The following CENPP variants were observed in gnomAD, a reference collection of about 807,000 sequenced individuals.
The protein encoded by CENPP is centromere protein P.
In CENPP, 24 loss-of-function variants were observed where a neutral mutation model predicts 35.6. The ratio of observed to expected loss-of-function variants is 0.67; its 90% CI spans 0.49 to 0.95. The LOEUF is 0.95. Ranked by LOEUF, CENPP falls within the 40% of genes least tolerant of loss-of-function variation. The pLI, the probability that CENPP is intolerant of heterozygous loss-of-function variation, is 0.00. For synonymous variants in CENPP, 120 were observed against 125.5 expected, an observed-to-expected ratio of 0.96 and a Z score of 0.29; for missense variants, 332 against 345.3, an observed-to-expected ratio of 0.96 and a Z score of 0.31.
At chr9:92,545,052 G>T (rs539794996) in intron 5 of CENPP, among the ~76,000 whole-genome samples, 8 of 152,316 alleles carry the variant, frequency 5.3e-5, no homozygotes, top group African/African-American at 1.9e-4. Context: ...TTAAAAGACA[G>T]TAAGAAAATC....
At chr9:92,506,059 GGAA>G (rs1846988976) in intron 5 of CENPP, among the ~76,000 whole-genome samples, 1 of 152,152 alleles carries the variant, frequency 6.6e-6, no homozygotes, top group African/African-American at 2.4e-5. Flanking sequence ...AATTCAGGTA[GGAA>G]AGGAATAGAA....
At chr9:92,456,821 C>T (rs1415040218) in intron 5 of CENPP, 1 of 336,596 alleles carries the variant, frequency 3.0e-6, no homozygotes, top group African/African-American at 2.2e-5. Context: ...TATTACAGTA[C>T]TACCCAAGTT....
At chr9:92,475,176 A>G (rs1257506633) in intron 5 of CENPP, among the ~76,000 whole-genome samples, 2 of 152,220 alleles carry the variant, frequency 1.3e-5, no homozygotes, top group Non-Finnish European at 2.9e-5. Flanking sequence ...GTGCACAAAG[A>G]TGTTCATCAC....
chr9:92,441,603 A>G (rs1332689447), intron 5 of CENPP, among the ~76,000 whole-genome samples: 1 of 152,068 alleles, frequency 6.6e-6, no homozygotes, highest in African/African-American at 2.4e-5. Context: ...TACAAAAAAC[A>G]CAAAAGTCAG....
At chr9:92,602,736 C>T (rs912400009) in intron 5 of CENPP, among the ~76,000 whole-genome samples, 4 of 152,128 alleles carry the variant, frequency 2.6e-5, no homozygotes, top group East Asian at 3.8e-4. Flanking sequence ...CTCAGCATGG[C>T]GCAACACAGA....
rs974153114 is a variant in CENPP, at chr9:92,361,175, C to G, written c.467+15388C>G. On this transcript the variant is annotated intron_variant, in intron 4 of 7. Coordinates refer to ENST00000375587, the MANE Select transcript of CENPP (RefSeq NM_001012267.3). ...TTATTTATTGAGATGGAGTCACACT[C>G]TGTTGCCCAGGCTGGAGTGCAGTGG... 1.0e-4 allele frequency among the ~76,000 whole-genome samples: 15 copies of G among 149,874 alleles called. 1 individual carries two copies. Among genetic ancestry groups the G allele is most frequent in the African/African-American group, 3.6e-4 (15 of 41,184 alleles).
intron 5 of CENPP, among the ~76,000 whole-genome samples, chr9:92,560,348 T>A (rs1849820470): frequency 6.6e-6 from 1 of 152,122 alleles, no homozygotes; most frequent in African/African-American, 2.4e-5. Context: ...TAGTCACGAA[T>A]CCCTTGGTGT....
intron 5 of CENPP, chr9:92,466,342 C>A (rs776877419): frequency 2.0e-6 from 3 of 1,489,218 alleles, no homozygotes; most frequent in Non-Finnish European, 2.8e-6. Context: ...ATGTCCCATT[C>A]ATTTGAAAAA....
chr9:92,491,837 C>G (rs1246069152), intron 5 of CENPP, among the ~76,000 whole-genome samples: 1 of 152,168 alleles, frequency 6.6e-6, no homozygotes, highest in Non-Finnish European at 1.5e-5. Flanking sequence ...TTTCATGGAA[C>G]ACTTCTTGCT....
chr9:92,421,599 A>G (rs1843796012), intron 5 of CENPP, among the ~76,000 whole-genome samples: 1 of 152,214 alleles, frequency 6.6e-6, no homozygotes, highest in African/African-American at 2.4e-5. Context: ...GTACTCTACT[A>G]CTTTACTGTA....
At chr9:92,349,663 A>C (rs536255517) in intron 4 of CENPP, among the ~76,000 whole-genome samples, 3 of 152,196 alleles carry the variant, frequency 2.0e-5, no homozygotes, top group African/African-American at 7.2e-5. Flanking sequence ...CAGCCTCCCA[A>C]AGTGCTGGGA....
chr9:92,545,550 A>C (rs567808332), intron 5 of CENPP, among the ~76,000 whole-genome samples: 1 of 152,276 alleles, frequency 6.6e-6, no homozygotes, highest in East Asian at 1.9e-4. Flanking sequence ...GGCCCCTTCA[A>C]GGCCCGAGCC....
intron 5 of CENPP, among the ~76,000 whole-genome samples, chr9:92,470,513 A>C (rs182939657): frequency 9.2e-5 from 14 of 152,336 alleles, no homozygotes; most frequent in Admixed American, 6.5e-4. Flanking sequence ...GAAATCTATA[A>C]TTTTTAATTG....
At chr9:92,570,418 G>A (rs1850104891) in intron 5 of CENPP, among the ~76,000 whole-genome samples, 1 of 152,162 alleles carries the variant, frequency 6.6e-6, no homozygotes. Context: ...TTGCATCCCA[G>A]GGATGAAGCC....
In CENPP at chr9:92,332,121, A is replaced by C. The variant is rs906317406; in HGVS notation, c.108-49A>C. ...TTGAGGAAAATGGGGTTATTAGATG[A>C]AACACGTGTTAGTAATTGGAGTGAT... is the stretch of plus-strand genomic sequence containing the variant. On this transcript the variant is annotated intron_variant, in intron 1 of 7. Coordinates refer to ENST00000375587, the MANE Select transcript of CENPP (RefSeq NM_001012267.3). 4 of 1,309,034 alleles carry C rather than the reference A, an allele frequency of 3.1e-6. No individual in the cohort carries two copies. The African/African-American group carries it at 6.0e-5, about 19-fold the overall frequency. 81.1% of individuals were successfully genotyped at this position (1,309,034 alleles called of 1,614,324 possible).
intron 5 of CENPP, among the ~76,000 whole-genome samples, chr9:92,567,829 A>G (rs1283612317): frequency 6.6e-6 from 1 of 152,200 alleles, no homozygotes; most frequent in Non-Finnish European, 1.5e-5. Context: ...AGGTAAGCAC[A>G]AAGCAAATAG....
At chr9:92,373,173 A>G (rs1336547459) in intron 4 of CENPP, among the ~76,000 whole-genome samples, 1 of 152,068 alleles carries the variant, frequency 6.6e-6, no homozygotes, top group South Asian at 2.1e-4. Context: ...CTGTAATCCT[A>G]ACACTTTGGG....
At chr9:92,451,194 T>C (rs1844699043) in intron 5 of CENPP, among the ~76,000 whole-genome samples, 1 of 149,706 alleles carries the variant, frequency 6.7e-6, no homozygotes, top group Non-Finnish European at 1.5e-5. Flanking sequence ...TGAATGGTAA[T>C]GCCTAGGTTT....
chr9:92,591,627 G>A (rs1221801388), intron 5 of CENPP, among the ~76,000 whole-genome samples: 3 of 151,582 alleles, frequency 2.0e-5, no homozygotes, highest in African/African-American at 7.3e-5. Flanking sequence ...TAGATGATAT[G>A]TTCTTTGTAA....
Sources: gnomAD v4.1 joint callset for allele counts (sites outside exome capture counted in the v4.1 genomes callset) on GRCh38, gnomAD v4.1.1 for gene constraint, MANE v1.5 for transcripts, NCBI Gene and HGNC (gene_info 2026-07-23, HGNC 2026-07-21) for gene names.